LAMA3: variants seen among roughly 807,000 people sequenced by gnomAD.
The protein encoded by LAMA3 is laminin subunit alpha-3.
A neutral mutation model predicts 402.0 loss-of-function variants in LAMA3; 281 were observed. That is an observed-to-expected ratio of 0.70 (90% confidence interval 0.63 to 0.77). The LOEUF is 0.77. Ranked by LOEUF, LAMA3 falls within the 30% of genes least tolerant of loss-of-function variation. The pLI, the probability that LAMA3 is intolerant of heterozygous loss-of-function variation, is 0.00. For missense variants in LAMA3, 3,840 were observed against 4,215.5 expected (o/e 0.91, Z 2.47); for synonymous variants, 1,431 against 1,558.4 (o/e 0.92, Z 1.93).
At chr18:23,727,814 C>T (rs2061325188) in intron 2 of LAMA3, among the ~76,000 whole-genome samples, 2 of 152,144 alleles carry the variant, frequency 1.3e-5, no homozygotes, top group African/African-American at 2.4e-5. Context: ...ACTGGAGCTT[C>T]GAACTCCAGA....
intron 2 of LAMA3, among the ~76,000 whole-genome samples, chr18:23,715,095 G>A (rs2061072084): frequency 6.6e-6 from 1 of 152,082 alleles, no homozygotes; most frequent in African/African-American, 2.4e-5. Flanking sequence ...GGTTGTCTAG[G>A]GCTAGGGGTT....
At chr18:23,735,706 G>A (rs921489866) in intron 2 of LAMA3, among the ~76,000 whole-genome samples, 2 of 152,114 alleles carry the variant, frequency 1.3e-5, no homozygotes, top group African/African-American at 4.8e-5. Flanking sequence ...GTGCACCAAT[G>A]TCTCTTTCAA....
chr18:23,770,813 G>T (rs2062183478), intron 8 of LAMA3, among the ~76,000 whole-genome samples: 1 of 152,060 alleles, frequency 6.6e-6, no homozygotes, highest in Non-Finnish European at 1.5e-5. Flanking sequence ...TTAGTCATCA[G>T]AGAAATGCAA....
At chr18:23,898,206 C>A in intron 44 of LAMA3, 1 of 159,814 alleles carries the variant, frequency 6.3e-6, no homozygotes, top group Non-Finnish European at 1.4e-5. Flanking sequence ...GAAGCAATCA[C>A]CGATGAGCTA....
rs767973552 is a variant in LAMA3 at position 23,905,614 on chromosome 18, G to T, written c.6708G>T (p.Lys2236Asn). The T allele has an allele frequency of 6.3e-7, 1 of 1,599,958 alleles. No individual in the cohort carries two copies. Among genetic ancestry groups the T allele is most frequent in the Non-Finnish European group, 8.6e-7 (1 of 1,167,746 alleles). Residue 2236 changes from lysine to asparagine, a missense_variant, in exon 52 of 75, where the codon AAG becomes AAT. By Grantham distance (94) the Lys-to-Asn change is moderately conservative (BLOSUM62 0). Coordinates refer to ENST00000313654, the MANE Select transcript of LAMA3 (RefSeq NM_198129.4). The part of the protein sequence containing the change: ...LLNEAKMTQK[K>N]LKQEVSPALN... The stretch of plus-strand genomic sequence containing the variant: ...ATGAAGCCAAGATGACACAAAAGAA[G>T]CTAAAGCAAGGTATTAGGGGGAGTG...
chr18:23,724,496 G>A (rs952126132), intron 2 of LAMA3, among the ~76,000 whole-genome samples: 2 of 151,094 alleles, frequency 1.3e-5, no homozygotes, highest in African/African-American at 2.4e-5. Context: ...CTGCCACCCC[G>A]TCCCCCTGAT....
chr18:23,772,299 C>T (rs1365340926), intron 8 of LAMA3, among the ~76,000 whole-genome samples: 1 of 152,210 alleles, frequency 6.6e-6, no homozygotes, highest in Non-Finnish European at 1.5e-5. Flanking sequence ...TTTGGCCTCC[C>T]AGACTGCTGG....
chr18:23,938,780 C>T (rs2082391646), intron 67 of LAMA3, among the ~76,000 whole-genome samples: 1 of 150,244 alleles, frequency 6.7e-6, no homozygotes, highest in Non-Finnish European at 1.5e-5. Context: ...AGAGAAGAAC[C>T]CAGACTTGTG....
At chr18:23,828,501 A>G (rs1367559011) in intron 23 of LAMA3, among the ~76,000 whole-genome samples, 4 of 152,218 alleles carry the variant, frequency 2.6e-5, no homozygotes, top group African/African-American at 4.8e-5. Context: ...ATACACACAT[A>G]CACACATACA....
In LAMA3 at chr18:23,827,408, G is replaced by C; in HGVS notation, c.2764G>C (p.Val922Leu). Reference protein sequence around the residue: ...HFLLDGEPRPVAVRQPTPAHP... With the variant: ...HFLLDGEPRPLAVRQPTPAHP... ...CCTGCTTGATGGGGAGCCAAGACCC[G>C]TGGCAGTGAGGCAGCCCACACCTGC... The change falls in exon 23 of 75, where the codon GTG (valine) becomes CTG (leucine). Residue 922 changes from valine to leucine, a missense_variant. Physicochemically the swap from Val to Leu is conservative, Grantham distance 32. Coordinates refer to ENST00000313654, the MANE Select transcript of LAMA3 (RefSeq NM_198129.4). 6.2e-7 allele frequency: 1 copy of C among 1,614,186 alleles called. No homozygotes were observed. The highest frequency in any genetic ancestry group is 8.5e-7 in the Non-Finnish European group (1 of 1,180,028).
intron 1 of LAMA3, among the ~76,000 whole-genome samples, chr18:23,697,182 C>T (rs1034298637): frequency 6.6e-6 from 1 of 152,198 alleles, no homozygotes; most frequent in Non-Finnish European, 1.5e-5. Flanking sequence ...AAGCATGCTG[C>T]ACCACTGAAA....
chr18:23,906,948 G>T lies in LAMA3; in HGVS notation c.6719-602G>T, dbSNP rs182542228. On this transcript the variant is annotated intron_variant, in intron 52 of 74. Coordinates refer to ENST00000313654, the MANE Select transcript of LAMA3 (RefSeq NM_198129.4). ...TGACCCAAGGATGGCAATATTATCAGCTAGGAATGTCTGCTAGCTCCCTTT... is the reference window on the plus strand; with the variant it reads ...TGACCCAAGGATGGCAATATTATCATCTAGGAATGTCTGCTAGCTCCCTTT... Among the ~76,000 whole-genome samples the T allele has an allele frequency of 1.4e-4, 22 of 152,290 alleles. No individual in the cohort carries two copies. In the East Asian group the frequency reaches 4.2e-3, roughly 29 times the overall value.
rs146644502 is a variant in LAMA3, at chr18:23,926,760, A to C, written c.8178-1363A>C. ...ATGCTTTATGTGCATTCAGCTCCAG[A>C]CAGATCCAGAAGTCAAATCGAAGGG... On this transcript the variant is annotated intron_variant, in intron 62 of 74. Coordinates refer to ENST00000313654, the MANE Select transcript of LAMA3 (RefSeq NM_198129.4). 3.5e-3 allele frequency among the ~76,000 whole-genome samples: 537 copies of C among 152,354 alleles called. 1 individual carries two copies. The highest frequency in any genetic ancestry group is 0.018 in the South Asian group (86 of 4,828).
intron 56 of LAMA3, 53 bp from the exon 57 acceptor site, chr18:23,914,357 G>A (rs2081535117): frequency 6.2e-7 from 1 of 1,603,296 alleles, no homozygotes; most frequent in Non-Finnish European, 8.5e-7. Flanking sequence ...TCTTGGGATG[G>A]GAATTTGAGA....
intron 8 of LAMA3, among the ~76,000 whole-genome samples, chr18:23,771,542 A>C (rs4349233): frequency 6.6e-6 from 1 of 152,084 alleles, no homozygotes; most frequent in Admixed American, 6.5e-5. Context: ...ATAGTTTTGC[A>C]CTTATAAGTT....
intron 11 of LAMA3, chr18:23,781,402 T>C: frequency 5.0e-6 from 2 of 403,114 alleles, no homozygotes; most frequent in Non-Finnish European, 9.9e-6. Context: ...TTAGGTACCA[T>C]GGCTGGGCCT....
chr18:23,749,608 T>C, intron 4 of LAMA3, 62 bp downstream of exon 4: 1 of 1,025,494 alleles, frequency 9.8e-7, no homozygotes, highest in Non-Finnish European at 1.6e-6. Flanking sequence ...GATATCCAAT[T>C]TTTCATAATT....
intron 70 of LAMA3, among the ~76,000 whole-genome samples, chr18:23,947,237 G>A (rs999877715): frequency 5.9e-5 from 9 of 152,084 alleles, no homozygotes; most frequent in African/African-American, 2.2e-4. Flanking sequence ...AGCGTTAATT[G>A]CACCAGGGTT....
At chr18:23,877,641 A>T (rs1430334112) in intron 39 of LAMA3, among the ~76,000 whole-genome samples, 2 of 152,208 alleles carry the variant, frequency 1.3e-5, no homozygotes, top group Non-Finnish European at 2.9e-5. Flanking sequence ...AGGCTAGAAG[A>T]GGAAATTGTT....
Sources: allele counts gnomAD v4.1 joint callset (sites outside exome capture counted in the v4.1 genomes callset), GRCh38; gene constraint gnomAD v4.1.1; transcripts MANE v1.5; gene names NCBI Gene and HGNC (gene_info 2026-07-23, HGNC 2026-07-21).